The following ATP8B4 variants were observed in gnomAD, a reference collection of about 807,000 sequenced individuals.
The protein encoded by ATP8B4 is probable phospholipid-transporting ATPase IM.
A neutral mutation model predicts 145.6 loss-of-function variants in ATP8B4; 133 were observed. The ratio of observed to expected loss-of-function variants is 0.91; its 90% confidence interval spans 0.79 to 1.05. The LOEUF (loss-of-function observed/expected upper bound fraction) is 1.05. ATP8B4 is among the 50% of genes least tolerant of loss of function. The pLI is 0.00. For missense variants in ATP8B4, 1,458 were observed against 1,425.2 expected, an observed-to-expected ratio of 1.02 and a Z score of -0.37; for synonymous variants, 507 against 492.9, an observed-to-expected ratio of 1.03 and a Z score of -0.38.
chr15:49,897,805 C>G (rs948301690), intron 22 of ATP8B4, among the ~76,000 whole-genome samples: 1 of 152,152 alleles, frequency 6.6e-6, no homozygotes, highest in Non-Finnish European at 1.5e-5. Context: ...TTCCTCTACA[C>G]CGTAGCTACT....
rs1798863191 is a variant in ATP8B4, at chr15:50,180,759, C to T, written c.-43+1502G>A. On this transcript the variant is annotated intron_variant, in intron 1 of 3. Coordinates refer to the ATP8B4 transcript ENST00000558829. ...ATGATGAAGGCCCCCAGCTCATCCCCAGGGAAATGATGCAACCAGGTAGCT... is the reference window on the plus strand; with the variant it reads ...ATGATGAAGGCCCCCAGCTCATCCCTAGGGAAATGATGCAACCAGGTAGCT... Among the ~76,000 whole-genome samples, 2 of 152,064 alleles carry T rather than the reference C, an allele frequency of 1.3e-5. 1 individual carries two copies. The highest frequency in any genetic ancestry group is 4.1e-4 in the South Asian group (2 of 4,826).
intron 21 of ATP8B4, among the ~76,000 whole-genome samples, chr15:49,900,433 A>G (rs1469685463): frequency 1.3e-5 from 2 of 152,204 alleles, no homozygotes; most frequent in Non-Finnish European, 2.9e-5. Flanking sequence ...TGTGCATATA[A>G]ATTATAATTT....
At chr15:49,953,795 G>A (rs1009717119) in intron 14 of ATP8B4, among the ~76,000 whole-genome samples, 2 of 152,316 alleles carry the variant, frequency 1.3e-5, no homozygotes, top group African/African-American at 2.4e-5. Flanking sequence ...TTCCGGAGTT[G>A]GGATGCTAGA....
rs761508051 is a variant in ATP8B4 at position 50,047,444 on chromosome 15, C to A, written c.108G>T (p.Ser36=). 6.3e-7 allele frequency: 1 copy of A among 1,580,442 alleles called. No individual in the cohort carries two copies. The highest frequency in any genetic ancestry group is 2.2e-5 in the East Asian group (1 of 44,638). ...GCAAGAAGGTGAGAATATTATATTT[C>A]GATGTGTGGATACGATTATCCTGGA... is the stretch of plus-strand genomic sequence containing the variant. ...FQYADNRIHT[S]KYNILTFLPI... Residue 36 remains serine, a synonymous_variant, in exon 4 of 28, where the codon TCG becomes TCT. Coordinates refer to ENST00000284509, the MANE Select transcript of ATP8B4 (RefSeq NM_024837.4).
chr15:50,029,256 A>AAAAAC (rs1238513657), intron 6 of ATP8B4, among the ~76,000 whole-genome samples: 2 of 149,222 alleles, frequency 1.3e-5, no homozygotes, highest in African/African-American at 4.9e-5. Flanking sequence ...AAAAAAAAAA[A>AAAAAC]ACAGAAAAAT....
intron 20 of ATP8B4, among the ~76,000 whole-genome samples, chr15:49,904,747 G>A (rs1002559493): frequency 3.3e-5 from 5 of 152,064 alleles, no homozygotes; most frequent in African/African-American, 9.7e-5. Flanking sequence ...TGAGAACCCT[G>A]CACATTCAAA....
intron 5 of ATP8B4, among the ~76,000 whole-genome samples, chr15:50,041,974 G>A (rs1488687715): frequency 1.3e-5 from 2 of 151,318 alleles, no homozygotes; most frequent in Non-Finnish European, 2.9e-5. Context: ...TTCCAACACA[G>A]TAAAACCCCA....
At position 50,005,949 on chromosome 15, in the gene ATP8B4, C is replaced by T. The variant is rs2899445; in HGVS notation, c.436-3726G>A. Among the ~76,000 whole-genome samples, 504 of 152,204 alleles carry T rather than the reference C, an allele frequency of 3.3e-3. 8 individuals are homozygous for T. The highest frequency in any genetic ancestry group is 0.011 in the African/African-American group (473 of 41,514). On this transcript the variant is annotated intron_variant, in intron 7 of 27. Transcript: ENST00000284509. ...TTTTATTTTTTAGGCCATTCTCACA[C>T]AGAGTTCTTCATCTTCTCTATCATC...
At chr15:49,978,823 T>TGC (rs2045914201) in intron 12 of ATP8B4, among the ~76,000 whole-genome samples, 1 of 150,228 alleles carries the variant, frequency 6.7e-6, no homozygotes, top group South Asian at 2.1e-4. Flanking sequence ...GGGGTGTGTG[T>TGC]GTGTGTGTGT....
At chr15:50,044,921 G>C (rs1293168140) in intron 4 of ATP8B4, among the ~76,000 whole-genome samples, 1 of 152,156 alleles carries the variant, frequency 6.6e-6, no homozygotes, top group African/African-American at 2.4e-5. Flanking sequence ...TTTATAGCAA[G>C]GGGAGAAGCT....
intron 1 of ATP8B4, among the ~76,000 whole-genome samples, chr15:50,148,578 T>G (rs889817188): frequency 6.6e-6 from 1 of 152,204 alleles, no homozygotes; most frequent in African/African-American, 2.4e-5. Flanking sequence ...ATTCCTTTTC[T>G]TGGAGGCTAC....
intron 1 of ATP8B4, among the ~76,000 whole-genome samples, chr15:50,111,319 C>A (rs1457817448): frequency 1.3e-5 from 2 of 152,200 alleles, no homozygotes; most frequent in East Asian, 3.8e-4. Flanking sequence ...CAGAAGCCTG[C>A]CCACAGGGAA....
At chr15:50,059,771 A>G (rs1293267492) in intron 3 of ATP8B4, among the ~76,000 whole-genome samples, 1 of 152,192 alleles carries the variant, frequency 6.6e-6, no homozygotes, top group Non-Finnish European at 1.5e-5. Context: ...TGGAGGAACA[A>G]AATCAGGAGG....
At chr15:50,103,376 G>A (rs1459826450) in intron 2 of ATP8B4, among the ~76,000 whole-genome samples, 4 of 152,132 alleles carry the variant, frequency 2.6e-5, no homozygotes, top group Non-Finnish European at 2.9e-5. Flanking sequence ...TCCTAGAAAC[G>A]GTAAATGAAT....
At chr15:50,027,253 T>C (rs1234637801) in intron 6 of ATP8B4, among the ~76,000 whole-genome samples, 1 of 152,230 alleles carries the variant, frequency 6.6e-6, no homozygotes, top group African/African-American at 2.4e-5. Flanking sequence ...TGTTTATTTG[T>C]CCATCTCTTC....
At chr15:50,131,123 TG>T (rs986245569) in intron 1 of ATP8B4, among the ~76,000 whole-genome samples, 22 of 152,212 alleles carry the variant, frequency 1.4e-4, no homozygotes, top group African/African-American at 3.9e-4. Flanking sequence ...GAGAACAGCA[TG>T]GGGGAAACTG....
chr15:50,161,316 C>T (rs1043933705), intron 1 of ATP8B4, among the ~76,000 whole-genome samples: 3 of 151,840 alleles, frequency 2.0e-5, no homozygotes, highest in African/African-American at 7.3e-5. Flanking sequence ...CTTTTTTATC[C>T]ATTCAGCCAC....
At chr15:49,908,746 AT>A (rs1676881777) in intron 20 of ATP8B4, among the ~76,000 whole-genome samples, 1 of 152,044 alleles carries the variant, frequency 6.6e-6, no homozygotes, top group South Asian at 2.1e-4. Context: ...CTCCACTGAC[AT>A]TCCCCACCTG....
intron 1 of ATP8B4, among the ~76,000 whole-genome samples, chr15:50,171,362 A>C (rs1024751110): frequency 1.3e-5 from 2 of 152,228 alleles, no homozygotes; most frequent in African/African-American, 4.8e-5. Context: ...GCACTCTCTC[A>C]GACCACAGTG....
Sources: gnomAD v4.1 joint callset for allele counts (sites outside exome capture counted in the v4.1 genomes callset) on GRCh38, gnomAD v4.1.1 for gene constraint, MANE v1.5 for transcripts, NCBI Gene and HGNC (gene_info 2026-07-23, HGNC 2026-07-21) for gene names.